Variants in IRS1 observed in about 807,000 individuals in gnomAD.
IRS1 encodes insulin receptor substrate 1.
A neutral mutation model predicts 65.6 loss-of-function variants in IRS1; 34 were observed. The ratio of observed to expected loss-of-function variants is 0.52; its 90% CI spans 0.39 to 0.69. The LOEUF is 0.69. Ranked by LOEUF, IRS1 falls within the 30% of genes least tolerant of loss-of-function variation. The probability of loss-of-function intolerance (pLI) is 0.00; values close to 1 mark genes in which losing one functional copy is unlikely to be tolerated. For synonymous variants in IRS1, 699 were observed against 683.5 expected (o/e 1.02, Z -0.35); for missense variants, 1,641 against 1,720.2 (o/e 0.95, Z 0.81).
At chr2:226,750,031 C>G (rs902607467) in intron 1 of IRS1, among the ~76,000 whole-genome samples, 3 of 151,984 alleles carry the variant, frequency 2.0e-5, no homozygotes, top group African/African-American at 7.3e-5. Context: ...GGGTGGATCA[C>G]CTGAGGTCAG....
chr2:226,789,184 C>T (rs555193573), intron 1 of IRS1, among the ~76,000 whole-genome samples: 4 of 152,338 alleles, frequency 2.6e-5, no homozygotes, highest in South Asian at 2.1e-4. Context: ...CATTTATATA[C>T]TATTCAGCTA....
At chr2:226,793,843 C>G (rs185878436) in intron 1 of IRS1, among the ~76,000 whole-genome samples, 45 of 152,296 alleles carry the variant, frequency 3.0e-4, no homozygotes, top group African/African-American at 1.0e-3. Flanking sequence ...ACAATTATGA[C>G]CACCAGAAAA....
chr2:226,796,216 C>A lies in IRS1; in HGVS notation c.2523G>T (p.Leu841=), dbSNP rs1939719633. 1.2e-6 allele frequency: 2 copies of A among 1,613,326 alleles called. No homozygotes were observed. The highest frequency in any genetic ancestry group is 4.5e-5 in the East Asian group (2 of 44,868). Residue 841 remains leucine, a synonymous_variant, in exon 1 of 2, where the codon CTG becomes CTT. Transcript: ENST00000305123. ...HPHHQVLQPH[L]PRKVDTAAQT... The stretch of plus-strand genomic sequence containing the variant: ...GAGCAGCTGTGTCCACCTTTCGAGG[C>A]AGATGGGGCTGCAGAACCTGATGGT...
intron 1 of IRS1, among the ~76,000 whole-genome samples, chr2:226,791,264 C>T (rs1174059367): frequency 6.6e-6 from 1 of 152,146 alleles, no homozygotes; most frequent in Non-Finnish European, 1.5e-5. Context: ...CGGGCCAACC[C>T]CACCTGGCCC....
chr2:226,747,754 T>C (rs1432442279), intron 1 of IRS1, among the ~76,000 whole-genome samples: 1 of 152,108 alleles, frequency 6.6e-6, no homozygotes, highest in Admixed American at 6.5e-5. Flanking sequence ...CCCTCCAGTC[T>C]CCAAGCATTT....
At chr2:226,755,601 A>T (rs1938781068) in intron 1 of IRS1, among the ~76,000 whole-genome samples, 5 of 152,342 alleles carry the variant, frequency 3.3e-5, no homozygotes, top group Middle Eastern at 3.4e-3. Flanking sequence ...AAGCTTTTTC[A>T]AGTTAAACTT....
At chr2:226,737,351 A>C (rs892421966) in intron 1 of IRS1, among the ~76,000 whole-genome samples, 4 of 152,052 alleles carry the variant, frequency 2.6e-5, no homozygotes, top group Non-Finnish European at 5.9e-5. Context: ...ATTGTTGGAC[A>C]TTTGGGTTGG....
Position 226,794,918 on chromosome 2 carries a change from G to A in IRS1, c.*21+71C>T, listed in dbSNP as rs1004618349. On this transcript the variant is annotated intron_variant, in intron 1 of 1. Coordinates refer to ENST00000305123, the MANE Select transcript of IRS1 (RefSeq NM_005544.3). This position sits in a 1 kb window ranked among gnomAD's most constrained non-coding sequence, Gnocchi z 4.1. ...GTGGGAAAGAACAGGAAGGGGCAGA[G>A]GCGAAGAACAGAATTCAAGGACAAG... 7 of 1,343,116 alleles carry A rather than the reference G, an allele frequency of 5.2e-6. No individual in the cohort carries two copies. Among genetic ancestry groups the A allele is most frequent in the Non-Finnish European group, 7.4e-6 (7 of 940,812 alleles). 83.2% of individuals were successfully genotyped at this position (1,343,116 alleles called of 1,614,324 possible). A position where few individuals can be genotyped will look rare whatever the true frequency, so the allele number is the denominator to read the frequency against.
At chr2:226,765,915 T>A (rs946722666) in intron 1 of IRS1, among the ~76,000 whole-genome samples, 4 of 151,532 alleles carry the variant, frequency 2.6e-5, no homozygotes, top group Non-Finnish European at 5.9e-5. Context: ...TATTACCTTA[T>A]GTTTAACAAA....
chr2:226,766,637 A>G (rs1482502788), intron 1 of IRS1, among the ~76,000 whole-genome samples: 4 of 152,144 alleles, frequency 2.6e-5, no homozygotes, highest in African/African-American at 2.4e-5. Context: ...TGCATCTTTC[A>G]CAAAAGGTGT....
intron 1 of IRS1, among the ~76,000 whole-genome samples, chr2:226,780,089 T>C (rs893729921): frequency 1.3e-5 from 2 of 152,200 alleles, no homozygotes; most frequent in African/African-American, 4.8e-5. Context: ...CTAACTGACC[T>C]CTTTTTAAAA....
At chr2:226,771,321 C>T (rs1475784793) in intron 1 of IRS1, among the ~76,000 whole-genome samples, 4 of 152,082 alleles carry the variant, frequency 2.6e-5, no homozygotes, top group South Asian at 2.1e-4. Context: ...GCCGGCTGTC[C>T]GGTGGCTCAG....
chr2:226,754,281 T>C (rs1938749839), intron 1 of IRS1, among the ~76,000 whole-genome samples: 2 of 152,034 alleles, frequency 1.3e-5, no homozygotes, highest in Non-Finnish European at 2.9e-5. Flanking sequence ...ATTCCTGGAG[T>C]GAGGGTGGGT....
intron 1 of IRS1, among the ~76,000 whole-genome samples, chr2:226,745,379 C>CA (rs1307032003): frequency 2.6e-5 from 4 of 152,152 alleles, no homozygotes; most frequent in African/African-American, 9.6e-5. Context: ...AATTCAACCC[C>CA]AAAAAAGGTT....
chr2:226,771,065 G>T (rs1559153145), intron 1 of IRS1, among the ~76,000 whole-genome samples: 2 of 152,098 alleles, frequency 1.3e-5, no homozygotes, highest in South Asian at 4.2e-4. Flanking sequence ...ATGAGAACTA[G>T]CTAGATCCTG....
chr2:226,753,887 C>T (rs1170996151), intron 1 of IRS1, among the ~76,000 whole-genome samples: 2 of 152,198 alleles, frequency 1.3e-5, no homozygotes, highest in Admixed American at 1.3e-4. Flanking sequence ...GGGTCTTGCT[C>T]TGTCACCCAG....
rs755294121 is a variant in IRS1, at chr2:226,796,300, G to A, written c.2439C>T (p.Ser813=). The A allele has an allele frequency of 5.0e-6, 8 of 1,613,318 alleles. No individual in the cohort carries two copies. In the Admixed American group the frequency reaches 5.0e-5, roughly 10 times the overall value. ...TADDSSSSTS[S]DSLGGGYCGA... The stretch of plus-strand genomic sequence containing the variant: ...CGCAGTATCCCCCACCCAGGCTGTC[G>A]CTGCTGGTGGAAGAGGAAGAATCAT... Residue 813 remains serine, a synonymous_variant, in exon 1 of 2, where the codon AGC becomes AGT. Coordinates refer to ENST00000305123, the MANE Select transcript of IRS1 (RefSeq NM_005544.3).
At chr2:226,780,809 T>A (rs1025333) in intron 1 of IRS1, among the ~76,000 whole-genome samples, 21,800 of 152,222 alleles carry the variant, frequency 0.14, 2,073 homozygotes, top group East Asian at 0.25. Flanking sequence ...CTGAATTTTT[T>A]AAATATTGGA....
rs1938273104 is a variant in IRS1 at position 226,733,714 on chromosome 2, G to C, written c.*2558C>G. The stretch of plus-strand genomic sequence containing the variant: ...TCTCCTCAATGGGAACTGAACACAA[G>C]GACTCAGCAGCTGACGTTGCTCAAA... On this transcript the variant is annotated 3_prime_UTR_variant, in exon 2 of 2. Transcript: ENST00000305123. 6.6e-6 allele frequency: 1 copy of C among 152,260 alleles called. No homozygotes were observed. The highest frequency in any genetic ancestry group is 6.5e-5 in the Admixed American group (1 of 15,294). 9.4% of individuals were successfully genotyped at this position (152,260 alleles called of 1,614,324 possible). A position where few individuals can be genotyped will look rare whatever the true frequency, so the allele number is the denominator to read the frequency against.
Sources: allele counts gnomAD v4.1 joint callset (sites outside exome capture counted in the v4.1 genomes callset), GRCh38; gene constraint gnomAD v4.1.1; non-coding constraint Gnocchi (gnomAD v3.1); transcripts MANE v1.5; gene names NCBI Gene and HGNC (gene_info 2026-07-23, HGNC 2026-07-21).